TAFA2: variants seen among roughly 807,000 people sequenced by gnomAD.
TAFA2 encodes TAFA chemokine like family member 2, also known as chemokine-like protein TAFA-2.
TAFA2 carries 7 observed loss-of-function variants against 18.8 expected under a neutral mutation model. The ratio of observed to expected loss-of-function variants is 0.37; its 90% CI spans 0.21 to 0.70. The LOEUF is 0.70. TAFA2 is among the 30% of genes least tolerant of loss of function. The pLI is 0.53. For missense variants in TAFA2, 122 were observed against 158.1 expected (o/e 0.77, Z 1.23); for synonymous variants, 60 against 54.2 (o/e 1.11, Z -0.47).
chr12:61,875,689 C>T (rs568199340), intron 1 of TAFA2, among the ~76,000 whole-genome samples: 1 of 152,252 alleles, frequency 6.6e-6, no homozygotes, highest in South Asian at 2.1e-4. Context: ...CTAGACAACA[C>T]TAAACCTTGT....
intron 1 of TAFA2, among the ~76,000 whole-genome samples, chr12:61,937,125 A>T (rs1877800995): frequency 6.6e-6 from 1 of 152,168 alleles, no homozygotes; most frequent in African/African-American, 2.4e-5. Flanking sequence ...CTCTACAAGG[A>T]ACTAAAAAAC....
intron 4 of TAFA2, among the ~76,000 whole-genome samples, chr12:61,732,639 A>G (rs895471613): frequency 2.0e-5 from 3 of 151,938 alleles, no homozygotes; most frequent in Admixed American, 2.0e-4. Flanking sequence ...AGATGGTGAT[A>G]GTTAGCAATG....
chr12:62,140,854 A>G (rs1034097286), intron 1 of TAFA2, among the ~76,000 whole-genome samples: 1 of 152,188 alleles, frequency 6.6e-6, no homozygotes, highest in African/African-American at 2.4e-5. Flanking sequence ...CCTTGCTTGC[A>G]TCACATCAAA....
intron 1 of TAFA2, among the ~76,000 whole-genome samples, chr12:61,907,935 G>A (rs1445475088): frequency 6.6e-6 from 1 of 152,112 alleles, no homozygotes; most frequent in African/African-American, 2.4e-5. Flanking sequence ...CTTTGTTTTG[G>A]CCATTTCTGC....
intron 1 of TAFA2, among the ~76,000 whole-genome samples, chr12:62,143,912 G>T (rs1304494965): frequency 6.6e-6 from 1 of 151,806 alleles, no homozygotes; most frequent in African/African-American, 2.4e-5. Context: ...GCTGAGCATG[G>T]TGGCACATGC....
At chr12:62,156,897 A>T (rs1422578159) in intron 1 of TAFA2, among the ~76,000 whole-genome samples, 2 of 152,178 alleles carry the variant, frequency 1.3e-5, no homozygotes, top group African/African-American at 4.8e-5. Flanking sequence ...AAAAAAATTT[A>T]AAAACTATAT....
intron 1 of TAFA2, among the ~76,000 whole-genome samples, chr12:61,966,957 C>T (rs1290452813): frequency 9.9e-5 from 15 of 151,750 alleles, no homozygotes; most frequent in Non-Finnish European, 2.9e-5. Context: ...TGTGTATATG[C>T]TATTATGTTA....
chr12:61,949,163 A>C (rs1878378205), intron 1 of TAFA2, among the ~76,000 whole-genome samples: 1 of 152,192 alleles, frequency 6.6e-6, no homozygotes, highest in Non-Finnish European at 1.5e-5. Context: ...GGTCTCATCC[A>C]ATCAGTTGAA....
chr12:62,087,626 C>T (rs1476160878), intron 1 of TAFA2, among the ~76,000 whole-genome samples: 1 of 152,068 alleles, frequency 6.6e-6, no homozygotes, highest in Non-Finnish European at 1.5e-5. Flanking sequence ...TAAGGGATGA[C>T]CTACAAGGGA....
intron 2 of TAFA2, among the ~76,000 whole-genome samples, chr12:61,838,503 G>A (rs993292809): frequency 2.0e-5 from 3 of 151,952 alleles, no homozygotes; most frequent in East Asian, 1.9e-4. Flanking sequence ...AGAATCCTTC[G>A]GGATGGAAAG....
chr12:62,247,990 C>CT (rs2062895019), intron 1 of TAFA2, among the ~76,000 whole-genome samples: 1 of 151,956 alleles, frequency 6.6e-6, no homozygotes, highest in Non-Finnish European at 1.5e-5. Context: ...ATTTTTTGCT[C>CT]TTTAGTTCAG....
intron 1 of TAFA2, among the ~76,000 whole-genome samples, chr12:62,017,988 C>T (rs916679361): frequency 2.0e-5 from 3 of 152,116 alleles, no homozygotes; most frequent in African/African-American, 7.2e-5. Flanking sequence ...AGTGAGATTT[C>T]CCAAGATATT....
intron 2 of TAFA2, among the ~76,000 whole-genome samples, chr12:61,809,328 C>T (rs866363501): frequency 1.3e-5 from 2 of 151,488 alleles, no homozygotes; most frequent in Non-Finnish European, 2.9e-5. Flanking sequence ...GACATTAAAA[C>T]AGTACTTATT....
At chr12:61,795,338 C>T (rs1871147607) in intron 2 of TAFA2, among the ~76,000 whole-genome samples, 3 of 152,070 alleles carry the variant, frequency 2.0e-5, no homozygotes, top group African/African-American at 7.2e-5. Context: ...CCCAAATGTC[C>T]ATCAATGATA....
intron 1 of TAFA2, among the ~76,000 whole-genome samples, chr12:62,081,412 A>T (rs1868321140): frequency 6.6e-6 from 1 of 152,076 alleles, no homozygotes; most frequent in Admixed American, 6.5e-5. Flanking sequence ...TTTCCACAGC[A>T]AGTTAGGTAA....
chr12:61,836,756 T>TATATATATATATATAC (rs68158949), intron 2 of TAFA2, among the ~76,000 whole-genome samples: 81 of 119,832 alleles, frequency 6.8e-4, no homozygotes, highest in East Asian at 2.2e-3. Context: ...TATATATATA[T>TATATATATATATATAC]ACACACACAC....
chr12:61,833,013 T>G (rs1348969069), intron 2 of TAFA2, among the ~76,000 whole-genome samples: 1 of 146,934 alleles, frequency 6.8e-6, no homozygotes, highest in Non-Finnish European at 1.5e-5. Flanking sequence ...ATATAATATA[T>G]AAATATATAT....
intron 1 of TAFA2, chr12:61,880,076 C>G: frequency 1.5e-6 from 1 of 653,968 alleles, no homozygotes; most frequent in Non-Finnish European, 2.8e-6. Flanking sequence ...AGACAGCAGC[C>G]ACTCCCTGGA....
chr12:61,769,375 C>A (rs942336077), intron 2 of TAFA2, among the ~76,000 whole-genome samples: 1 of 151,956 alleles, frequency 6.6e-6, no homozygotes, highest in African/African-American at 2.4e-5. Context: ...AACCTCCCTG[C>A]ACTACCACAG....
Sources: gnomAD v4.1 joint callset for allele counts (sites outside exome capture counted in the v4.1 genomes callset) on GRCh38, gnomAD v4.1.1 for gene constraint, MANE v1.5 for transcripts, NCBI Gene and HGNC (gene_info 2026-07-23, HGNC 2026-07-21) for gene names.